TSG101: variants seen among roughly 807,000 people sequenced by gnomAD.
The protein encoded by TSG101 is tumor susceptibility 101.
TSG101 carries 19 observed loss-of-function variants against 48.5 expected under a neutral mutation model. That is an observed-to-expected ratio of 0.39 (90% CI 0.27 to 0.58). The LOEUF is 0.58. Among genes scored for constraint, TSG101 ranks in the 20% least tolerant of loss-of-function variants. The probability of loss-of-function intolerance (pLI) is 0.55; values close to 1 mark genes in which losing one functional copy is unlikely to be tolerated. For synonymous variants in TSG101, 174 were observed against 169.4 expected, an observed-to-expected ratio of 1.03 and a Z score of -0.21; for missense variants, 365 against 484.4, an observed-to-expected ratio of 0.75 and a Z score of 2.31.
intron 7 of TSG101, among the ~76,000 whole-genome samples, chr11:18,497,602 C>T (rs1849803780): frequency 6.6e-6 from 1 of 152,110 alleles, no homozygotes; most frequent in South Asian, 2.1e-4. Flanking sequence ...TAAAAAAGAT[C>T]TTTGTAAACT....
Position 18,509,461 on chromosome 11 carries a change from T to C in TSG101, c.481+81A>G, listed in dbSNP as rs909412501. 4.6e-6 allele frequency: 7 copies of C among 1,506,032 alleles called. No homozygotes were observed. In the Admixed American group the frequency reaches 6.4e-5, roughly 14 times the overall value. The allele number at this position is 1,506,032 out of a possible 1,614,324, so 93.3% of individuals were successfully genotyped here. Reference sequence around the variant, plus strand: ...ATAAACTAAAAAGCAAAGAAGTCATTATTTTTCTTTATTTTTTTACAAAGG... The same window carrying C: ...ATAAACTAAAAAGCAAAGAAGTCATCATTTTTCTTTATTTTTTTACAAAGG... On this transcript the variant is annotated intron_variant, in intron 5 of 9. Transcript: ENST00000251968.
intron 7 of TSG101, among the ~76,000 whole-genome samples, chr11:18,494,011 A>G (rs1849737721): frequency 6.6e-6 from 1 of 152,204 alleles, no homozygotes; most frequent in Non-Finnish European, 1.5e-5. Flanking sequence ...TATCAACACA[A>G]TCAATAAGAA....
At chr11:18,515,894 G>C (rs1308765801) in intron 3 of TSG101, among the ~76,000 whole-genome samples, 1 of 152,182 alleles carries the variant, frequency 6.6e-6, no homozygotes, top group Admixed American at 6.5e-5. Flanking sequence ...GCACTTATTT[G>C]TTCATATATC....
chr11:18,514,498 T>C (rs34169487), intron 4 of TSG101, among the ~76,000 whole-genome samples, 180 bp downstream of exon 4: 181 of 152,340 alleles, frequency 1.2e-3, no homozygotes, highest in Admixed American at 7.5e-3. Context: ...ATTACAAAGC[T>C]CTACAGAAAC....
intron 7 of TSG101, among the ~76,000 whole-genome samples, chr11:18,499,383 T>C (rs1327773275): frequency 1.1e-4 from 1 of 8,748 alleles, no homozygotes; most frequent in African/African-American, 2.9e-4. Flanking sequence ...TATATTTAAA[T>C]ATATATATAT....
chr11:18,482,510 A>G (rs1271573851), intron 8 of TSG101, among the ~76,000 whole-genome samples: 2 of 152,226 alleles, frequency 1.3e-5, no homozygotes, highest in Non-Finnish European at 2.9e-5. Context: ...ACACACATTT[A>G]CTGGAATAAA....
chr11:18,524,168 G>T (rs570602574), intron 1 of TSG101, among the ~76,000 whole-genome samples: 1 of 152,296 alleles, frequency 6.6e-6, no homozygotes, highest in African/African-American at 2.4e-5. Context: ...AAATATAAGT[G>T]GCTGTATGTA....
chr11:18,504,106 T>C (rs993589815), intron 6 of TSG101, among the ~76,000 whole-genome samples: 2 of 150,856 alleles, frequency 1.3e-5, no homozygotes, highest in East Asian at 2.0e-4. Context: ...GAGGCTGAAG[T>C]TGAAAGATCA....
intron 3 of TSG101, among the ~76,000 whole-genome samples, 172 bp downstream of exon 3, chr11:18,515,927 G>C (rs532166009): frequency 6.6e-6 from 1 of 152,326 alleles, no homozygotes; most frequent in South Asian, 2.1e-4. Context: ...TTTTAAGAAA[G>C]CTGAAAATGT....
At chr11:18,495,041 C>T (rs1265386866) in intron 7 of TSG101, among the ~76,000 whole-genome samples, 1 of 152,160 alleles carries the variant, frequency 6.6e-6, no homozygotes, top group African/African-American at 2.4e-5. Context: ...TTTCCACTCC[C>T]ACATTTTTAA....
intron 7 of TSG101, among the ~76,000 whole-genome samples, chr11:18,487,570 T>C (rs1171879287): frequency 6.6e-6 from 1 of 152,198 alleles, no homozygotes; most frequent in African/African-American, 2.4e-5. Context: ...TCTCACTATG[T>C]TGCTCAGGCT....
intron 4 of TSG101, among the ~76,000 whole-genome samples, chr11:18,513,349 A>G (rs11024694): frequency 0.36 from 54,377 of 151,814 alleles, 11,054 homozygotes; most frequent in Non-Finnish European, 0.47. Context: ...AGGCTGGAGG[A>G]CAGTGATGCA....
Position 18,483,793 on chromosome 11 carries a change from A to G in TSG101, c.843+77T>C, listed in dbSNP as rs576011578. ...TCTGAACTCCTACTATGCCCACAAC[A>G]TCCAGGGAACATATAGAACACTCTG... On this transcript the variant is annotated intron_variant, in intron 8 of 9. Transcript: ENST00000251968. The G allele has an allele frequency of 2.6e-4, 390 of 1,501,808 alleles. 6 individuals are homozygous for G. The South Asian group carries it at 4.2e-3, about 16-fold the overall frequency. 93.0% of individuals were successfully genotyped at this position (1,501,808 alleles called of 1,614,324 possible).
At chr11:18,501,290 G>A (rs1223184614) in intron 7 of TSG101, among the ~76,000 whole-genome samples, 1 of 152,076 alleles carries the variant, frequency 6.6e-6, no homozygotes, top group African/African-American at 2.4e-5. Flanking sequence ...GTTGATTTTT[G>A]TATGTGGTAC....
At chr11:18,495,639 T>G (rs1849763191) in intron 7 of TSG101, among the ~76,000 whole-genome samples, 1 of 151,664 alleles carries the variant, frequency 6.6e-6, no homozygotes, top group Admixed American at 6.6e-5. Flanking sequence ...ATCTTTGTGT[T>G]AAGTTTCAAT....
At chr11:18,507,279 T>C (rs1849990266) in intron 5 of TSG101, among the ~76,000 whole-genome samples, 2 of 152,226 alleles carry the variant, frequency 1.3e-5, no homozygotes, top group South Asian at 4.1e-4. Context: ...AGTAACTTCT[T>C]TATTATATCT....
intron 7 of TSG101, among the ~76,000 whole-genome samples, chr11:18,486,596 A>C (rs1467539134): frequency 2.6e-5 from 4 of 152,048 alleles, no homozygotes; most frequent in Non-Finnish European, 5.9e-5. Flanking sequence ...TAGAATGGTG[A>C]TCATTAAAAA....
At chr11:18,507,025 TCA>T (rs747855448) in intron 5 of TSG101, 102 bp from the exon 6 acceptor site, 5 of 830,834 alleles carry the variant, frequency 6.0e-6, no homozygotes, top group South Asian at 5.1e-5. Context: ...CAGCAAAATT[TCA>T]CAGTTAAAAA....
chr11:18,499,402 A>ATATATATATATATATATATTT, intron 7 of TSG101, among the ~76,000 whole-genome samples: 2 of 5,452 alleles, frequency 3.7e-4, no homozygotes, highest in African/African-American at 5.0e-4. Flanking sequence ...ATATATATAT[A>ATATATATATATATATATATTT]TTTTTTTTTT....
Sources: gnomAD v4.1 joint callset for allele counts (sites outside exome capture counted in the v4.1 genomes callset) on GRCh38, gnomAD v4.1.1 for gene constraint, MANE v1.5 for transcripts, NCBI Gene and HGNC (gene_info 2026-07-23, HGNC 2026-07-21) for gene names.